Variants in UNC80 observed in about 807,000 individuals in gnomAD.
The protein encoded by UNC80 is protein unc-80 homolog.
Under a neutral mutation model 384.6 loss-of-function variants are expected in UNC80, and 164 were observed. That is an observed-to-expected ratio of 0.43 (90% CI 0.38 to 0.49). The LOEUF is 0.49. Among genes scored for constraint, UNC80 ranks in the 20% least tolerant of loss-of-function variants. The pLI, the probability that UNC80 is intolerant of heterozygous loss-of-function variation, is 0.00. For synonymous variants in UNC80, 1,486 were observed against 1,527.8 expected, an observed-to-expected ratio of 0.97 and a Z score of 0.64; for missense variants, 3,330 against 4,143.0, an observed-to-expected ratio of 0.80 and a Z score of 5.39.
At chr2:209,806,143 G>T (rs1451960373) in intron 7 of UNC80, among the ~76,000 whole-genome samples, 4 of 152,132 alleles carry the variant, frequency 2.6e-5, no homozygotes, top group Non-Finnish European at 5.9e-5. Context: ...ACCAAGAACA[G>T]TGTAAAATCC....
At chr2:209,822,774 A>G (rs2080233412) in intron 13 of UNC80, among the ~76,000 whole-genome samples, 1 of 152,102 alleles carries the variant, frequency 6.6e-6, no homozygotes, top group Non-Finnish European at 1.5e-5. Flanking sequence ...TATCTTGACT[A>G]TTTAGCACCT....
chr2:209,931,974 T>A (rs2090914330), intron 38 of UNC80, among the ~76,000 whole-genome samples: 2 of 152,310 alleles, frequency 1.3e-5, no homozygotes, highest in African/African-American at 4.8e-5. Context: ...TCTCTATAGC[T>A]ATGTGGAGTT....
chr2:209,858,030 C>T (rs1254239513), intron 22 of UNC80, among the ~76,000 whole-genome samples: 1 of 152,162 alleles, frequency 6.6e-6, no homozygotes, highest in Non-Finnish European at 1.5e-5. Context: ...TACGATCAAA[C>T]TCATTAATTG....
intron 43 of UNC80, among the ~76,000 whole-genome samples, chr2:209,939,937 A>G (rs1039181918): frequency 6.6e-6 from 1 of 152,168 alleles, no homozygotes; most frequent in Non-Finnish European, 1.5e-5. Context: ...GAGTGTGCAC[A>G]AGAGACCCCT....
chr2:209,964,954 G>A (rs1340981841), intron 51 of UNC80, among the ~76,000 whole-genome samples: 1 of 151,840 alleles, frequency 6.6e-6, no homozygotes, highest in Non-Finnish European at 1.5e-5. Context: ...TGAATATTTG[G>A]GTTTTTTAAA....
At position 209,934,533 on chromosome 2, in the gene UNC80, C is replaced by T. The variant is rs542497075; in HGVS notation, c.6178+528C>T. Among the ~76,000 whole-genome samples the T allele has an allele frequency of 5.3e-5, 8 of 152,218 alleles. No homozygotes were observed. The East Asian group carries it at 1.5e-3, about 29-fold the overall frequency. On this transcript the variant is annotated intron_variant, in intron 39 of 64. Transcript: ENST00000673920. The stretch of plus-strand genomic sequence containing the variant: ...CCTTAAGACAAAGATTTGGACAATT[C>T]TTTATCCTTGTGCAGTGACTAAGAA...
chr2:209,876,291 C>CAT (rs1213706580), intron 23 of UNC80, among the ~76,000 whole-genome samples: 2 of 152,112 alleles, frequency 1.3e-5, no homozygotes, highest in Non-Finnish European at 2.9e-5. Context: ...TATAATCTAC[C>CAT]AAGGCACATT....
At chr2:209,940,331 A>G (rs1468429507) in intron 43 of UNC80, among the ~76,000 whole-genome samples, 3 of 152,342 alleles carry the variant, frequency 2.0e-5, no homozygotes, top group Non-Finnish European at 2.9e-5. Flanking sequence ...ACATGAGTGC[A>G]TAGTGCATAT....
chr2:209,945,021 C>T (rs1336681767), intron 45 of UNC80, 30 bp from the exon 46 acceptor site: 1 of 1,548,072 alleles, frequency 6.5e-7, no homozygotes, highest in Non-Finnish European at 8.7e-7. Context: ...TGGTGGGAGT[C>T]AATAAACAAA....
At position 209,941,500 on chromosome 2, in the gene UNC80, C is replaced by T; in HGVS notation, c.6915+11C>T. On this transcript the variant is annotated intron_variant, in intron 44 of 64. Transcript: ENST00000673920. ...CCCACCATGCTGCAGGTGCCCAGAA[C>T]CTCCTCTCCCAACCAGAAAATTAAC... 6.6e-7 allele frequency: 1 copy of T among 1,521,986 alleles called. No homozygotes were observed. Among genetic ancestry groups the T allele is most frequent in the Non-Finnish European group, 8.9e-7 (1 of 1,124,986 alleles). The allele number at this position is 1,521,986 out of a possible 1,614,324, so 94.3% of individuals were successfully genotyped here.
chr2:209,850,909 A>C (rs1307820077), intron 22 of UNC80, among the ~76,000 whole-genome samples: 1 of 152,126 alleles, frequency 6.6e-6, no homozygotes, highest in Non-Finnish European at 1.5e-5. Flanking sequence ...GGGATAGTGG[A>C]AACTTAGCTG....
rs557991005 is a variant in UNC80, at chr2:209,941,546, G to A, written c.6915+57G>A. Reference sequence around the variant, plus strand: ...TTAACATGAGTACTGCTCATATCTAGCCGTTCAACTAGATCTATACTGAAA... The same window carrying A: ...TTAACATGAGTACTGCTCATATCTAACCGTTCAACTAGATCTATACTGAAA... On this transcript the variant is annotated intron_variant, in intron 44 of 64. Transcript: ENST00000673920. The A allele has an allele frequency of 6.3e-6, 9 of 1,435,564 alleles. No homozygotes were observed. In the South Asian group the frequency reaches 1.3e-4, roughly 21 times the overall value. 88.9% of individuals were successfully genotyped at this position (1,435,564 alleles called of 1,614,324 possible). A position where few individuals can be genotyped will look rare whatever the true frequency, so the allele number is the denominator to read the frequency against.
chr2:209,820,822 G>T lies in UNC80; in HGVS notation c.2331+143G>T, dbSNP rs181502114. 4.5e-6 allele frequency: 4 copies of T among 881,116 alleles called. No individual in the cohort carries two copies. The African/African-American group carries it at 5.1e-5, about 11-fold the overall frequency. The allele number at this position is 881,116 out of a possible 1,614,324, so 54.6% of individuals were successfully genotyped here. A position where few individuals can be genotyped will look rare whatever the true frequency, so the allele number is the denominator to read the frequency against. The stretch of plus-strand genomic sequence containing the variant: ...GGAGAGTGGAGAAATCTCTTCATTA[G>T]GTTCTCAGTAGGCATTAGCAGAAAC... On this transcript the variant is annotated intron_variant, in intron 13 of 64. Transcript: ENST00000673920.
chr2:209,922,792 AGTTTTTGTTTTT>A lies in UNC80; in HGVS notation c.5662+434_5662+445del, dbSNP rs374515160. On this transcript the variant is annotated intron_variant, in intron 35 of 64. Transcript: ENST00000673920. ...TCAGCTGATTTCAGTGTGTGTCACT[AGTTTTTGTTTTT>A]GTTTTTGTTTTTGTTTTTGTTTTTA... 5.2e-3 allele frequency among the ~76,000 whole-genome samples: 786 copies of A among 151,854 alleles called. 14 individuals carry two copies. The highest frequency in any genetic ancestry group is 0.017 in the African/African-American group (691 of 41,240).
At chr2:209,971,034 T>C in intron 54 of UNC80, 77 bp downstream of exon 54, 2 of 1,486,770 alleles carry the variant, frequency 1.3e-6, no homozygotes, top group Non-Finnish European at 1.8e-6. Context: ...CTCGTTTTTT[T>C]CTGCAAAGGC....
At chr2:209,957,850 C>A in intron 49 of UNC80, 114 bp downstream of exon 49, 1 of 895,946 alleles carries the variant, frequency 1.1e-6, no homozygotes, top group South Asian at 2.4e-5. Context: ...TGAAAACCTC[C>A]AAGGAAAAGA....
At position 209,772,853 on chromosome 2, in the gene UNC80, T is replaced by C. The variant is rs544129086; in HGVS notation, c.93-241T>C. 3.9e-5 allele frequency among the ~76,000 whole-genome samples: 6 copies of C among 152,266 alleles called. No individual in the cohort carries two copies. In the East Asian group the frequency reaches 1.2e-3, roughly 29 times the overall value. On this transcript the variant is annotated intron_variant, in intron 1 of 64. Transcript: ENST00000673920. ...CACTGGCGATTTAAAATCTTAGAAGTCTTCAGATTAAGAGTGGATACCGAA... is the reference window on the plus strand; with the variant it reads ...CACTGGCGATTTAAAATCTTAGAAGCCTTCAGATTAAGAGTGGATACCGAA...
In UNC80 at chr2:209,885,085, G is replaced by GA. The variant is rs371565099; in HGVS notation, c.4111-3000dup. Among the ~76,000 whole-genome samples the GA allele has an allele frequency of 8.0e-3, 1,142 of 142,536 alleles. 3 individuals are homozygous for GA. The highest frequency in any genetic ancestry group is 0.011 in the Non-Finnish European group (738 of 64,838). The allele number at this position is 142,536 out of a possible 152,430, so 93.5% of individuals were successfully genotyped here. A position where few individuals can be genotyped will look rare whatever the true frequency, so the allele number is the denominator to read the frequency against. Reference sequence around the variant, plus strand: ...ATTAAATTAATTCTTTTTAAAAAAAGAAAAAAAAAACACTGGATTTCAAAG... The same window carrying GA: ...ATTAAATTAATTCTTTTTAAAAAAAGAAAAAAAAAAACACTGGATTTCAAAG... On this transcript the variant is annotated intron_variant, in intron 25 of 64. Transcript: ENST00000673920.
intron 61 of UNC80, among the ~76,000 whole-genome samples, chr2:209,986,036 T>C (rs2093280343): frequency 6.6e-6 from 1 of 152,144 alleles, no homozygotes. Context: ...TGGTGGTAAA[T>C]GTGGAAGTGC....
Sources: gnomAD v4.1 joint callset for allele counts (sites outside exome capture counted in the v4.1 genomes callset) on GRCh38, gnomAD v4.1.1 for gene constraint, MANE v1.5 for transcripts, NCBI Gene and HGNC (gene_info 2026-07-23, HGNC 2026-07-21) for gene names.